DHRSX: variants seen among roughly 807,000 people sequenced by gnomAD.
DHRSX encodes polyprenol dehydrogenase.
DHRSX carries 31 observed loss-of-function variants against 34.0 expected under a neutral mutation model. That is an observed-to-expected ratio of 0.91 (90% CI 0.69 to 1.23). The LOEUF is 1.23. Among genes scored for constraint, DHRSX ranks in the 50% most tolerant of loss-of-function variants. The pLI is 0.00. For missense variants in DHRSX, 414 were observed against 428.1 expected (o/e 0.97, Z 0.29); for synonymous variants, 201 against 183.8 (o/e 1.09, Z -0.76).
intron 1 of DHRSX, among the ~76,000 whole-genome samples, chrX:2,451,623 T>G (rs1253066864): frequency 3.3e-5 from 5 of 152,172 alleles, no homozygotes. Flanking sequence ...GACGGCCACG[T>G]GCAGAGAGGA....
intron 3 of DHRSX, among the ~76,000 whole-genome samples, chrX:2,386,224 A>G (rs899903049): frequency 2.0e-5 from 3 of 151,456 alleles, no homozygotes; most frequent in Non-Finnish European, 4.4e-5. Context: ...GAGAGAAAGA[A>G]AGAGAGAGAC....
intron 4 of DHRSX, among the ~76,000 whole-genome samples, chrX:2,287,825 T>A (rs2041822804): frequency 6.6e-6 from 1 of 152,198 alleles, no homozygotes; most frequent in South Asian, 2.1e-4. Context: ...GAAGACTGAA[T>A]AATGGCTCTA....
chrX:2,342,704 T>C (rs984334054), intron 3 of DHRSX, among the ~76,000 whole-genome samples: 17 of 152,160 alleles, frequency 1.1e-4, no homozygotes, highest in Non-Finnish European at 5.9e-5. Flanking sequence ...ACAGTTTCCA[T>C]GATTCCCACG....
Position 2,307,346 on chromosome X carries a change from C to CT in DHRSX, c.287-15744dup, listed in dbSNP as rs1414202782. 2.6e-5 allele frequency among the ~76,000 whole-genome samples: 4 copies of CT among 152,128 alleles called. No homozygotes were observed. The East Asian group carries it at 7.7e-4, about 29-fold the overall frequency. On this transcript the variant is annotated intron_variant, in intron 3 of 6. Coordinates refer to ENST00000334651, the MANE Select transcript of DHRSX (RefSeq NM_145177.3). ...GGAGAGGGGTGTAAAGGCTAAAACT[C>CT]TACCTATGAGGTATTTTGTTCACCG...
rs1466649758 is a variant in DHRSX at position 2,276,770 on chromosome X, A to AG, written c.389-9824_389-9823insC. On this transcript the variant is annotated intron_variant, in intron 4 of 6. Transcript: ENST00000334651. ...GAGGAGAGAGAGAGGGAGGGCAAAGAAGGAAGAGAGAAGGAGAGGGAGGAA... is the reference window on the plus strand; with the variant it reads ...GAGGAGAGAGAGAGGGAGGGCAAAGAGAGGAAGAGAGAAGGAGAGGGAGGAA... Among the ~76,000 whole-genome samples, 11 of 142,112 alleles carry AG rather than the reference A, an allele frequency of 7.7e-5. No individual in the cohort carries two copies. In the South Asian group the frequency reaches 9.2e-4, roughly 12 times the overall value. 93.2% of individuals were successfully genotyped at this position (142,112 alleles called of 152,430 possible).
At chrX:2,371,944 C>G (rs913538655) in intron 3 of DHRSX, among the ~76,000 whole-genome samples, 5 of 152,216 alleles carry the variant, frequency 3.3e-5, no homozygotes, top group African/African-American at 9.6e-5. Flanking sequence ...CCCCAGACAA[C>G]TGTGCTGTCC....
At position 2,276,742 on chromosome X, in the gene DHRSX, A is replaced by G. The variant is rs771630752; in HGVS notation, c.389-9795T>C. 3.8e-3 allele frequency among the ~76,000 whole-genome samples: 576 copies of G among 149,706 alleles called. 3 individuals are homozygous for G. Among genetic ancestry groups the G allele is most frequent in the African/African-American group, 0.013 (542 of 41,164 alleles). On this transcript the variant is annotated intron_variant, in intron 4 of 6. Coordinates refer to ENST00000334651, the MANE Select transcript of DHRSX (RefSeq NM_145177.3). ...GGGATGAAAGGGCAATCAGAGAGAG[A>G]GAGAGGAGAGAGAGAGGGAGGGCAA...
rs182635555 is a variant in DHRSX, at chrX:2,315,636, G to A, written c.287-24033C>T. On this transcript the variant is annotated intron_variant, in intron 3 of 6. Transcript: ENST00000334651. ...AGCTAGCTCTGCTGCGTAACAAAAC[G>A]CCCCAAACGTAGTAGTTTAAAAAAC... is the stretch of plus-strand genomic sequence containing the variant. Among the ~76,000 whole-genome samples, 338 of 152,124 alleles carry A rather than the reference G, an allele frequency of 2.2e-3. 2 individuals carry two copies. The highest frequency in any genetic ancestry group is 7.4e-3 in the African/African-American group (306 of 41,520).
At chrX:2,454,835 G>A (rs1210977717) in intron 1 of DHRSX, among the ~76,000 whole-genome samples, 1 of 152,052 alleles carries the variant, frequency 6.6e-6, no homozygotes, top group Non-Finnish European at 1.5e-5. Context: ...GGGATTGGTT[G>A]GGCGTGGTGG....
intron 3 of DHRSX, among the ~76,000 whole-genome samples, chrX:2,317,543 C>A (rs866447981): frequency 1.3e-5 from 2 of 151,730 alleles, no homozygotes; most frequent in Admixed American, 1.3e-4. Context: ...TGAGCCACTG[C>A]GTGCGGCCCT....
chrX:2,447,254 G>A (rs1316995764), intron 1 of DHRSX, among the ~76,000 whole-genome samples: 6 of 150,744 alleles, frequency 4.0e-5, no homozygotes, highest in Non-Finnish European at 8.9e-5. Flanking sequence ...CACTGAAGAC[G>A]TTCCCTAAGC....
intron 5 of DHRSX, among the ~76,000 whole-genome samples, chrX:2,248,237 T>C (rs150805956): frequency 0.038 from 5,791 of 151,882 alleles, 292 homozygotes; most frequent in African/African-American, 0.12. Flanking sequence ...ATCGAGACTA[T>C]CTTGGCTAAT....
At chrX:2,325,962 G>A (rs1413934387) in intron 3 of DHRSX, among the ~76,000 whole-genome samples, 2 of 152,122 alleles carry the variant, frequency 1.3e-5, no homozygotes, top group Non-Finnish European at 2.9e-5. Flanking sequence ...AGACAACGTA[G>A]CCACTTCACT....
chrX:2,488,554 C>G, intron 1 of DHRSX: 1 of 1,488,886 alleles, frequency 6.7e-7, no homozygotes, highest in Admixed American at 2.5e-5. Flanking sequence ...GGTTCAAAAC[C>G]AAGCTGACCG....
Position 2,239,732 on chromosome X carries a change from G to A in DHRSX, c.804+3291C>T, listed in dbSNP as rs765674514. 3.2e-4 allele frequency among the ~76,000 whole-genome samples: 49 copies of A among 152,112 alleles called. No individual in the cohort carries two copies. The East Asian group carries it at 8.5e-3, about 26-fold the overall frequency. ...TGCAGTGAGCTGAGATCGCGCCAACGCACTCCAGCCTGGGCAACAGAGCAA... is the reference window on the plus strand; with the variant it reads ...TGCAGTGAGCTGAGATCGCGCCAACACACTCCAGCCTGGGCAACAGAGCAA... On this transcript the variant is annotated intron_variant, in intron 6 of 6. Transcript: ENST00000334651.
intron 1 of DHRSX, among the ~76,000 whole-genome samples, chrX:2,477,778 G>A (rs999802233): frequency 1.3e-5 from 2 of 152,056 alleles, no homozygotes; most frequent in African/African-American, 4.8e-5. Flanking sequence ...CTGGGAGGCA[G>A]GGGTTACAGT....
chrX:2,351,145 G>A (rs778838325), intron 3 of DHRSX, among the ~76,000 whole-genome samples: 13 of 152,256 alleles, frequency 8.5e-5, no homozygotes, highest in Admixed American at 7.2e-4. Context: ...GGCTTAAAAC[G>A]TAGAAGATTG....
At chrX:2,399,728 AAAAAAAAAAAAAAAC>A (rs2043461949) in intron 3 of DHRSX, among the ~76,000 whole-genome samples, 1 of 130,102 alleles carries the variant, frequency 7.7e-6, no homozygotes, top group Non-Finnish European at 1.6e-5. Flanking sequence ...CAAAAAGCAA[AAAAAAAAAAAAAAAC>A]AAAAAAACAC....
chrX:2,425,508 A>T (rs1341432677), intron 1 of DHRSX, among the ~76,000 whole-genome samples: 1 of 152,126 alleles, frequency 6.6e-6, no homozygotes, highest in Non-Finnish European at 1.5e-5. Context: ...GTGCAGTAAA[A>T]AACCACCTGA....
Sources: gnomAD v4.1 joint callset for allele counts (sites outside exome capture counted in the v4.1 genomes callset) on GRCh38, gnomAD v4.1.1 for gene constraint, MANE v1.5 for transcripts, NCBI Gene and HGNC (gene_info 2026-07-23, HGNC 2026-07-21) for gene names.